Variants in SPIDR observed in about 807,000 individuals in gnomAD.
The protein encoded by SPIDR is DNA repair-scaffolding protein.
In SPIDR, 93 loss-of-function variants were observed where a neutral mutation model predicts 104.6. The ratio of observed to expected loss-of-function variants is 0.89; its 90% confidence interval spans 0.75 to 1.06. SPIDR has a LOEUF of 1.06. SPIDR is among the 50% of genes least tolerant of loss of function. The pLI is 0.00. For missense variants in SPIDR, 1,154 were observed against 1,111.2 expected (o/e 1.04, Z -0.55); for synonymous variants, 431 against 416.9 (o/e 1.03, Z -0.41).
chr8:47,474,626 T>A (rs2076083135), intron 8 of SPIDR, among the ~76,000 whole-genome samples: 1 of 152,226 alleles, frequency 6.6e-6, no homozygotes, highest in Non-Finnish European at 1.5e-5. Context: ...GAGTTCTCAA[T>A]CTCTTCCCTT....
At chr8:47,374,045 G>A (rs190774994) in intron 5 of SPIDR, among the ~76,000 whole-genome samples, 279 of 152,234 alleles carry the variant, frequency 1.8e-3, no homozygotes, top group Non-Finnish European at 2.8e-3. Context: ...ATTCATTCTA[G>A]GTGTGGTGAT....
At chr8:47,294,939 T>A (rs1228374441) in intron 5 of SPIDR, among the ~76,000 whole-genome samples, 1 of 152,228 alleles carries the variant, frequency 6.6e-6, no homozygotes, top group Non-Finnish European at 1.5e-5. Flanking sequence ...TCCAATTACA[T>A]GTATATTAAT....
intron 8 of SPIDR, among the ~76,000 whole-genome samples, chr8:47,462,233 G>A (rs965518599): frequency 2.6e-5 from 4 of 152,112 alleles, no homozygotes; most frequent in Admixed American, 6.6e-5. Context: ...GACTAGTACC[G>A]AGGGTTGTCT....
chr8:47,558,778 T>G (rs1046427349), intron 8 of SPIDR, among the ~76,000 whole-genome samples: 1 of 152,160 alleles, frequency 6.6e-6, no homozygotes, highest in African/African-American at 2.4e-5. Flanking sequence ...TAGCTCGGAC[T>G]ACAGGCGCCC....
In SPIDR at chr8:47,327,862, C is replaced by T. The variant is rs551270156; in HGVS notation, c.525+33832C>T. On this transcript the variant is annotated intron_variant, in intron 5 of 19. Transcript: ENST00000297423. ...ATAGGCATAAGCCACTACACCTGAC[C>T]TGATTTTTGTATTTTTGTAGAGATA... Among the ~76,000 whole-genome samples the T allele has an allele frequency of 1.3e-3, 205 of 152,070 alleles. 1 individual carries two copies. The highest frequency in any genetic ancestry group is 4.8e-3 in the African/African-American group (199 of 41,500).
chr8:47,423,142 A>G (rs566535064), intron 7 of SPIDR, among the ~76,000 whole-genome samples: 1 of 152,172 alleles, frequency 6.6e-6, no homozygotes, highest in Admixed American at 6.5e-5. Flanking sequence ...CGTCTCTTCT[A>G]AAAATGCAAA....
At chr8:47,533,174 C>CT (rs1345185209) in intron 8 of SPIDR, among the ~76,000 whole-genome samples, 2 of 152,190 alleles carry the variant, frequency 1.3e-5, no homozygotes, top group African/African-American at 4.8e-5. Context: ...TAAACTTCCA[C>CT]TTTAGGAAAC....
intron 8 of SPIDR, among the ~76,000 whole-genome samples, chr8:47,506,195 C>CA (rs2081454564): frequency 6.6e-6 from 1 of 152,170 alleles, no homozygotes; most frequent in African/African-American, 2.4e-5. Context: ...CTGGAAGTAA[C>CA]ACAGGGAGGA....
Position 47,729,476 on chromosome 8 carries a change from G to T in SPIDR, c.2604+11G>T. ...GCCGGTGAAGATGGGGTAAGTGCAG[G>T]GGGCCCAGCCCAGGGGGCCGCACAC... On this transcript the variant is annotated intron_variant, in intron 19 of 19. Transcript: ENST00000297423. 2 of 1,592,630 alleles carry T rather than the reference G, an allele frequency of 1.3e-6. No homozygotes were observed. Among genetic ancestry groups the T allele is most frequent in the Admixed American group, 1.8e-5 (1 of 56,946 alleles).
intron 8 of SPIDR, chr8:47,527,842 A>G (rs888810713): frequency 1.3e-5 from 2 of 152,248 alleles, no homozygotes; most frequent in African/African-American, 4.8e-5. Context: ...GTGAAGGCAC[A>G]CAAGCATATT....
At chr8:47,486,116 AC>A (rs1315425430) in intron 8 of SPIDR, among the ~76,000 whole-genome samples, 1 of 152,196 alleles carries the variant, frequency 6.6e-6, no homozygotes, top group Non-Finnish European at 1.5e-5. Context: ...AAAAGATTAG[AC>A]GAATGGCTAA....
At chr8:47,558,632 C>CTTTTTTTTT (rs112873575) in intron 8 of SPIDR, among the ~76,000 whole-genome samples, 1 of 149,450 alleles carries the variant, frequency 6.7e-6, no homozygotes, top group Non-Finnish European at 1.5e-5. Flanking sequence ...CTAGCTTCAC[C>CTTTTTTTTT]TTTTTTTTTG....
chr8:47,512,566 A>G (rs891811965), intron 8 of SPIDR, among the ~76,000 whole-genome samples: 4 of 152,244 alleles, frequency 2.6e-5, no homozygotes, highest in South Asian at 2.1e-4. Context: ...TATCTCTCCC[A>G]GTGGTTTTGC....
At chr8:47,550,612 T>A (rs1403677868) in intron 8 of SPIDR, among the ~76,000 whole-genome samples, 1 of 152,226 alleles carries the variant, frequency 6.6e-6, no homozygotes, top group Non-Finnish European at 1.5e-5. Context: ...TTTTGCACAT[T>A]GATTTTGTAT....
intron 5 of SPIDR, among the ~76,000 whole-genome samples, chr8:47,387,604 A>G (rs782411794): frequency 3.3e-5 from 5 of 152,204 alleles, no homozygotes; most frequent in Admixed American, 6.5e-5. Context: ...ACTGAGGCAA[A>G]CAACTGGTTT....
At chr8:47,537,461 A>G (rs555150091) in intron 8 of SPIDR, among the ~76,000 whole-genome samples, 292 of 152,346 alleles carry the variant, frequency 1.9e-3, no homozygotes, top group African/African-American at 6.9e-3. Context: ...AAAGAAACCA[A>G]TCTAAAAAGG....
chr8:47,735,101 T>G (rs1045807831), intron 19 of SPIDR, among the ~76,000 whole-genome samples: 9 of 144,928 alleles, frequency 6.2e-5, no homozygotes, highest in African/African-American at 1.3e-4. Flanking sequence ...TGTGGGTGTG[T>G]GTGTGTGTGG....
intron 8 of SPIDR, among the ~76,000 whole-genome samples, chr8:47,441,698 CATAG>C (rs563135654): frequency 2.4e-4 from 36 of 152,138 alleles, no homozygotes; most frequent in Non-Finnish European, 4.4e-4. Flanking sequence ...GGTTTTGTAT[CATAG>C]ATAGAAAGGT....
chr8:47,266,890 A>G (rs1050148244), intron 1 of SPIDR, among the ~76,000 whole-genome samples: 9 of 151,938 alleles, frequency 5.9e-5, no homozygotes, highest in African/African-American at 2.2e-4. Context: ...CTAGTCAGTC[A>G]CTCCCCATTC....
Sources: gnomAD v4.1 joint callset for allele counts (sites outside exome capture counted in the v4.1 genomes callset) on GRCh38, gnomAD v4.1.1 for gene constraint, MANE v1.5 for transcripts, NCBI Gene and HGNC (gene_info 2026-07-23, HGNC 2026-07-21) for gene names.